The following DNAJC5B variants were observed in gnomAD, a reference collection of about 807,000 sequenced individuals.
DNAJC5B encodes dnaJ homolog subfamily C member 5B.
Under a neutral mutation model 24.7 loss-of-function variants are expected in DNAJC5B, and 23 were observed. The observed-to-expected ratio is 0.93, with a 90% CI of 0.67 to 1.32. The LOEUF is 1.32. Ranked by LOEUF, DNAJC5B falls within the 40% of genes most tolerant of loss-of-function variation. The pLI, the probability that DNAJC5B is intolerant of heterozygous loss-of-function variation, is 0.00. For missense variants in DNAJC5B, 238 were observed against 240.8 expected, an observed-to-expected ratio of 0.99 and a Z score of 0.08; for synonymous variants, 101 against 90.1, an observed-to-expected ratio of 1.12 and a Z score of -0.68.
At chr8:66,031,181 G>T (rs78565465) in intron 1 of DNAJC5B, among the ~76,000 whole-genome samples, 4 of 152,298 alleles carry the variant, frequency 2.6e-5, no homozygotes, top group Non-Finnish European at 5.9e-5. Flanking sequence ...TATACAAATA[G>T]AAGGTAGTTA....
At chr8:66,051,766 A>C (rs1806850441) in intron 3 of DNAJC5B, 100 bp downstream of exon 3, 1 of 859,520 alleles carries the variant, frequency 1.2e-6, no homozygotes, top group African/African-American at 1.7e-5. Context: ...TAAGACCAGT[A>C]ATCCAAATTT....
chr8:66,077,835 A>G (rs1807504674), intron 4 of DNAJC5B, among the ~76,000 whole-genome samples: 1 of 152,254 alleles, frequency 6.6e-6, no homozygotes, highest in South Asian at 2.1e-4. Flanking sequence ...TTTGCTTACT[A>G]TAGTCCTCAG....
chr8:66,047,636 G>A (rs1323548347), intron 2 of DNAJC5B, among the ~76,000 whole-genome samples: 11 of 152,186 alleles, frequency 7.2e-5, no homozygotes, highest in Non-Finnish European at 1.6e-4. Context: ...GAGGGGCTCA[G>A]TAAAGCCTAA....
chr8:66,031,690 C>T (rs1296485223), intron 1 of DNAJC5B, among the ~76,000 whole-genome samples: 1 of 152,122 alleles, frequency 6.6e-6, no homozygotes, highest in Non-Finnish European at 1.5e-5. Flanking sequence ...AACCAATGTC[C>T]CAGCTCAAAG....
At chr8:66,049,356 A>C (rs1424162374) in intron 2 of DNAJC5B, among the ~76,000 whole-genome samples, 1 of 152,242 alleles carries the variant, frequency 6.6e-6, no homozygotes, top group Non-Finnish European at 1.5e-5. Flanking sequence ...CTGATTCAGA[A>C]CAACTTCCAG....
At chr8:66,093,293 T>TAC (rs1807885489) in intron 5 of DNAJC5B, among the ~76,000 whole-genome samples, 1 of 152,172 alleles carries the variant, frequency 6.6e-6, no homozygotes, top group African/African-American at 2.4e-5. Context: ...TATGCACTTG[T>TAC]ACAACTTATT....
intron 1 of DNAJC5B, among the ~76,000 whole-genome samples, chr8:66,041,601 G>A (rs541251217): frequency 7.6e-4 from 115 of 152,254 alleles, no homozygotes; most frequent in African/African-American, 2.6e-3. Context: ...GGACTTTTTG[G>A]TTCAATCTTG....
chr8:66,067,139 T>C (rs1807236231), intron 3 of DNAJC5B, among the ~76,000 whole-genome samples: 1 of 152,074 alleles, frequency 6.6e-6, no homozygotes. Context: ...CAATTGTTCC[T>C]CCTGCTGACA....
chr8:66,034,575 C>T (rs992196995), intron 1 of DNAJC5B, among the ~76,000 whole-genome samples: 1 of 151,670 alleles, frequency 6.6e-6, no homozygotes, highest in Non-Finnish European at 1.5e-5. Flanking sequence ...GGCAAGGTGG[C>T]AGTGGTGGGC....
At chr8:66,034,056 T>A (rs1806421236) in intron 1 of DNAJC5B, among the ~76,000 whole-genome samples, 2 of 152,132 alleles carry the variant, frequency 1.3e-5, no homozygotes, top group Non-Finnish European at 2.9e-5. Context: ...CTCAGTTTCT[T>A]GATTTATAAA....
At chr8:66,018,643 C>T (rs1211669158), upstream of DNAJC5B, among the ~76,000 whole-genome samples, 1 of 152,170 alleles carries the variant, frequency 6.6e-6, no homozygotes. Context: ...TACACCTACA[C>T]CACAAGCTCC....
chr8:66,028,249 C>T (rs1563584258), intron 1 of DNAJC5B, among the ~76,000 whole-genome samples: 1 of 152,178 alleles, frequency 6.6e-6, no homozygotes, highest in Non-Finnish European at 1.5e-5. Context: ...CACAACCGCT[C>T]TTCTCTTACT....
intron 3 of DNAJC5B, among the ~76,000 whole-genome samples, chr8:66,064,093 C>T (rs10091688): frequency 0.043 from 6,527 of 152,080 alleles, 471 homozygotes; most frequent in African/African-American, 0.15. Flanking sequence ...TGCATGAACA[C>T]AAGATTCAGC....
At chr8:66,037,334 G>A (rs753822883) in intron 1 of DNAJC5B, among the ~76,000 whole-genome samples, 1 of 152,188 alleles carries the variant, frequency 6.6e-6, no homozygotes, top group East Asian at 1.9e-4. Context: ...GAAGGAGCAG[G>A]AGCAGAGCTA....
chr8:66,095,658 G>GACACACACAC (rs10566337), intron 5 of DNAJC5B, among the ~76,000 whole-genome samples: 107 of 146,738 alleles, frequency 7.3e-4, no homozygotes, highest in East Asian at 3.2e-3. Context: ...ACTTTAGCTT[G>GACACACACAC]ACACACACAC....
At chr8:66,095,499 T>C (rs1248250264) in intron 5 of DNAJC5B, among the ~76,000 whole-genome samples, 3 of 151,940 alleles carry the variant, frequency 2.0e-5, no homozygotes, top group Non-Finnish European at 4.4e-5. Flanking sequence ...TGATTGTTTC[T>C]ACTTAATTTC....
intron 3 of DNAJC5B, among the ~76,000 whole-genome samples, chr8:66,076,020 A>G (rs1243647448): frequency 1.3e-5 from 2 of 152,238 alleles, no homozygotes; most frequent in Admixed American, 6.5e-5. Context: ...TTTCTGATCC[A>G]CAGAGGAGAA....
In DNAJC5B at chr8:66,080,470, G is replaced by A. The variant is rs143168011; in HGVS notation, c.427G>A (p.Glu143Lys). Residue 143 changes from glutamate (E) to lysine (K), a missense_variant, in exon 5 of 6, where the codon GAG becomes AAG. Glu to Lys is a moderately conservative substitution (Grantham distance 56). Coordinates refer to ENST00000276570, the MANE Select transcript of DNAJC5B (RefSeq NM_033105.6). ...CNCCCGHCRP[E>K]SSVPEEDFYV... Reference sequence around the variant, plus strand: ...CTGCTGCTGTGGACACTGCCGGCCCGAGTCATCAGTGCCAGAAGAGGACTT... The same window carrying A: ...CTGCTGCTGTGGACACTGCCGGCCCAAGTCATCAGTGCCAGAAGAGGACTT... 32 of 1,613,856 alleles carry A rather than the reference G, an allele frequency of 2.0e-5. No individual in the cohort carries two copies. The highest frequency in any genetic ancestry group is 2.5e-5 in the Non-Finnish European group (30 of 1,179,980).
chr8:66,092,992 G>A (rs1044247263), intron 5 of DNAJC5B, among the ~76,000 whole-genome samples: 7 of 151,956 alleles, frequency 4.6e-5, no homozygotes, highest in African/African-American at 1.7e-4. Flanking sequence ...CTAGCAGCCC[G>A]CAGTGTCTGT....
Sources: allele counts gnomAD v4.1 joint callset (sites outside exome capture counted in the v4.1 genomes callset), GRCh38; gene constraint gnomAD v4.1.1; transcripts MANE v1.5; gene names NCBI Gene and HGNC (gene_info 2026-07-23, HGNC 2026-07-21).